PCLO: variants seen among roughly 807,000 people sequenced by gnomAD.
PCLO encodes protein piccolo.
PCLO carries 82 observed loss-of-function variants against 427.5 expected under a neutral mutation model. That is an observed-to-expected ratio of 0.19 (90% CI 0.16 to 0.23). The LOEUF (loss-of-function observed/expected upper bound fraction) is 0.23. PCLO is among the 10% of genes least tolerant of loss of function. The pLI is 1.00. For synonymous variants in PCLO, 2,357 were observed against 2,155.4 expected (o/e 1.09, Z -2.59); for missense variants, 6,239 against 6,115.9 (o/e 1.02, Z -0.67).
intron 3 of PCLO, among the ~76,000 whole-genome samples, chr7:83,121,652 C>T (rs891583415): frequency 6.7e-6 from 1 of 148,532 alleles, no homozygotes; most frequent in Non-Finnish European, 1.5e-5. Context: ...TAAAGACACA[C>T]ATAGACTGAA....
chr7:82,765,559 G>T (rs1196895700), intron 22 of PCLO, among the ~76,000 whole-genome samples: 9 of 151,946 alleles, frequency 5.9e-5, no homozygotes, highest in Non-Finnish European at 1.2e-4. Context: ...AATGACATGT[G>T]TTCTCTTAAC....
intron 14 of PCLO, among the ~76,000 whole-genome samples, chr7:82,840,068 C>T (rs1299324308): frequency 6.6e-6 from 1 of 151,632 alleles, no homozygotes; most frequent in Non-Finnish European, 1.5e-5. Context: ...AAACACAGTC[C>T]AAAAGAAACA....
intron 3 of PCLO, among the ~76,000 whole-genome samples, chr7:83,108,368 T>C (rs889558983): frequency 6.6e-6 from 1 of 152,156 alleles, no homozygotes; most frequent in Admixed American, 6.5e-5. Context: ...ATATACCTAC[T>C]TACTTATCTA....
At chr7:82,934,210 G>T (rs1456258529) in intron 6 of PCLO, among the ~76,000 whole-genome samples, 1 of 151,740 alleles carries the variant, frequency 6.6e-6, no homozygotes, top group Non-Finnish European at 1.5e-5. Context: ...CACTCTCATA[G>T]GTCGCTAATG....
At chr7:83,154,303 A>G (rs1792210963) in intron 2 of PCLO, among the ~76,000 whole-genome samples, 1 of 152,216 alleles carries the variant, frequency 6.6e-6, no homozygotes, top group Non-Finnish European at 1.5e-5. Flanking sequence ...AGATTAAAAA[A>G]CTATATTCAG....
intron 19 of PCLO, among the ~76,000 whole-genome samples, chr7:82,823,195 A>T (rs1349723361): frequency 6.6e-6 from 1 of 152,186 alleles, no homozygotes; most frequent in Non-Finnish European, 1.5e-5. Flanking sequence ...GTTAAGCAAG[A>T]TAAGAGTTGA....
chr7:82,931,489 T>C (rs1248287184), intron 6 of PCLO, among the ~76,000 whole-genome samples: 1 of 152,156 alleles, frequency 6.6e-6, no homozygotes, highest in African/African-American at 2.4e-5. Flanking sequence ...CTCACAAGCC[T>C]GCAAACAAGT....
At chr7:82,909,322 A>G (rs1360515712) in intron 7 of PCLO, among the ~76,000 whole-genome samples, 3 of 152,102 alleles carry the variant, frequency 2.0e-5, no homozygotes, top group Non-Finnish European at 4.4e-5. Flanking sequence ...AAATAAATAA[A>G]TGATCAAGTG....
chr7:83,051,309 A>C (rs1789249186), intron 3 of PCLO, among the ~76,000 whole-genome samples: 1 of 152,142 alleles, frequency 6.6e-6, no homozygotes, highest in African/African-American at 2.4e-5. Flanking sequence ...ATAAGATCCC[A>C]AAGAGTCAAC....
At chr7:83,000,571 C>A (rs535718089) in intron 3 of PCLO, among the ~76,000 whole-genome samples, 3 of 152,060 alleles carry the variant, frequency 2.0e-5, no homozygotes, top group African/African-American at 7.2e-5. Flanking sequence ...GATCATCAGG[C>A]ATTAGATTTT....
intron 3 of PCLO, among the ~76,000 whole-genome samples, chr7:83,018,650 T>C (rs1474531383): frequency 6.6e-6 from 1 of 152,048 alleles, no homozygotes; most frequent in Non-Finnish European, 1.5e-5. Context: ...TATGTACATG[T>C]TAAATATTCT....
At position 82,954,337 on chromosome 7, in the gene PCLO, T is replaced by C; in HGVS notation, c.6616A>G (p.Ile2206Val). 6.2e-7 allele frequency: 1 copy of C among 1,613,886 alleles called. No homozygotes were observed. The highest frequency in any genetic ancestry group is 8.5e-7 in the Non-Finnish European group (1 of 1,179,790). The change falls in exon 5 of 25, where the codon ATA (isoleucine) becomes GTA (valine). Residue 2206 changes from isoleucine (I) to valine (V), a missense_variant. Transcript: ENST00000333891. ...SSSPITTLDS[I>V]TTVYTEPVDM... Reference sequence around the variant, plus strand: ...ACTGGCTCTGTATAAACTGTGGTTATGCTATCCAGGGTAGTAATGGGTGAA... The same window carrying C: ...ACTGGCTCTGTATAAACTGTGGTTACGCTATCCAGGGTAGTAATGGGTGAA...
chr7:82,835,328 G>T (rs1362232075), intron 16 of PCLO, among the ~76,000 whole-genome samples: 1 of 152,100 alleles, frequency 6.6e-6, no homozygotes, highest in Admixed American at 6.6e-5. Context: ...GAAGACTCGA[G>T]AACTTAAATC....
At position 82,838,332 on chromosome 7, in the gene PCLO, T is replaced by C. The variant is rs1338880667; in HGVS notation, c.14108A>G (p.Asn4703Ser). The C allele has an allele frequency of 2.7e-6, 4 of 1,500,924 alleles. No individual in the cohort carries two copies. The highest frequency in any genetic ancestry group is 3.7e-6 in the Non-Finnish European group (4 of 1,094,244). The allele number at this position is 1,500,924 out of a possible 1,614,324, so 93.0% of individuals were successfully genotyped here. ...TATTATGAGATTTCCAAGATCATAG[T>C]TAATTTGAAGCTTTAGGAGAGAGAA... ...PITGEIQLQI[N>S]YDLGNLIIHI... The change falls in exon 15 of 25, where the codon AAC (asparagine) becomes AGC (serine). Residue 4703 changes from asparagine (N) to serine (S), a missense_variant. Around this residue, in one of 5 missense-constraint regions of PCLO, gnomAD observed 877 missense variants for 925.5 expected, o/e 0.95. Transcript: ENST00000333891.
intron 2 of PCLO, among the ~76,000 whole-genome samples, chr7:83,139,272 T>C (rs1791806549): frequency 6.6e-6 from 1 of 152,180 alleles, no homozygotes; most frequent in Non-Finnish European, 1.5e-5. Flanking sequence ...CTGATGATAT[T>C]GTGGTGATTC....
intron 3 of PCLO, among the ~76,000 whole-genome samples, chr7:83,017,694 C>T (rs1038580469): frequency 5.3e-5 from 8 of 151,830 alleles, no homozygotes; most frequent in Admixed American, 5.3e-4. Context: ...TAATAAAAAA[C>T]TTGTTTACCC....
chr7:82,844,765 G>A (rs1042044586), intron 13 of PCLO, among the ~76,000 whole-genome samples: 3 of 151,924 alleles, frequency 2.0e-5, no homozygotes, highest in Non-Finnish European at 2.9e-5. Flanking sequence ...CATTTGTTTC[G>A]AATGAAGATT....
intron 22 of PCLO, among the ~76,000 whole-genome samples, chr7:82,779,229 C>A (rs1406487051): frequency 6.6e-6 from 1 of 152,028 alleles, no homozygotes; most frequent in Non-Finnish European, 1.5e-5. Context: ...TTGAAGTGGT[C>A]ATTGCAGGTG....
intron 6 of PCLO, among the ~76,000 whole-genome samples, chr7:82,925,482 T>G (rs188058613): frequency 1.6e-4 from 24 of 152,178 alleles, no homozygotes; most frequent in Admixed American, 1.2e-3. Context: ...CAATACACCT[T>G]CTAGGGGTCC....
Sources: gnomAD v4.1 joint callset for allele counts (sites outside exome capture counted in the v4.1 genomes callset) on GRCh38, gnomAD v4.1.1 for gene constraint, gnomAD v4.1.1 regional missense constraint, MANE v1.5 for transcripts, NCBI Gene and HGNC (gene_info 2026-07-23, HGNC 2026-07-21) for gene names.